Variants in FSD1L observed in about 807,000 individuals in gnomAD.
FSD1L encodes FSD1-like protein.
In FSD1L, 45 loss-of-function variants were observed where a neutral mutation model predicts 71.6. The observed-to-expected ratio is 0.63, with a 90% CI of 0.49 to 0.81. FSD1L has a LOEUF of 0.81. Ranked by LOEUF, FSD1L falls within the 30% of genes least tolerant of loss-of-function variation. FSD1L has a pLI of 0.00. For synonymous variants in FSD1L, 197 were observed against 207.2 expected, an observed-to-expected ratio of 0.95 and a Z score of 0.42; for missense variants, 561 against 618.1, an observed-to-expected ratio of 0.91 and a Z score of 0.98.
chr9:105,545,027 A>G (rs1312143637), intron 13 of FSD1L, among the ~76,000 whole-genome samples: 1 of 152,038 alleles, frequency 6.6e-6, no homozygotes, highest in African/African-American at 2.4e-5. Context: ...CAGTATGACC[A>G]TTTTCACGAT....
At chr9:105,525,920 A>G (rs756864476) in intron 10 of FSD1L, 27 of 1,562,900 alleles carry the variant, frequency 1.7e-5, no homozygotes, top group Non-Finnish European at 2.4e-5. Flanking sequence ...TCTGATTCTG[A>G]TGATTCTTTG....
chr9:105,470,070 A>G (rs1451858823), intron 4 of FSD1L, among the ~76,000 whole-genome samples: 1 of 152,118 alleles, frequency 6.6e-6, no homozygotes, highest in Non-Finnish European at 1.5e-5. Flanking sequence ...ATTCGATCAT[A>G]TATGTGAAGG....
At chr9:105,491,833 A>T (rs1220870286) in intron 7 of FSD1L, among the ~76,000 whole-genome samples, 4 of 152,186 alleles carry the variant, frequency 2.6e-5, no homozygotes, top group African/African-American at 9.7e-5. Flanking sequence ...CCAGCCTTGC[A>T]TCCCAGGGAT....
At position 105,534,489 on chromosome 9, in the gene FSD1L, A is replaced by G; in HGVS notation, c.1026-4A>G. The G allele has an allele frequency of 6.7e-7, 1 of 1,492,596 alleles. No individual in the cohort carries two copies. The highest frequency in any genetic ancestry group is 1.2e-5 in the South Asian group (1 of 81,582). The allele number at this position is 1,492,596 out of a possible 1,614,324, so 92.5% of individuals were successfully genotyped here. A position where few individuals can be genotyped will look rare whatever the true frequency, so the allele number is the denominator to read the frequency against. ...GTTTTTCTTTTTTCTTTTTGTTTAT[A>G]TAGAAGTGGTACACCATCCCCAAAA... On this transcript the variant is annotated splice_region_variant and splice_polypyrimidine_tract_variant and intron_variant, in intron 10 of 13. Transcript: ENST00000481272.
At chr9:105,500,059 G>GC (rs1225646465) in intron 7 of FSD1L, among the ~76,000 whole-genome samples, 1 of 152,030 alleles carries the variant, frequency 6.6e-6, no homozygotes. Context: ...CACTTGTATT[G>GC]CCCATCTGTT....
intron 7 of FSD1L, among the ~76,000 whole-genome samples, chr9:105,487,613 T>C (rs77365750): frequency 0.016 from 2,395 of 152,144 alleles, 88 homozygotes; most frequent in African/African-American, 0.055. Context: ...ATATGTAGGG[T>C]AGGACCTTTT....
upstream of FSD1L, among the ~76,000 whole-genome samples, chr9:105,443,989 T>G (rs924266512): frequency 2.0e-5 from 3 of 152,136 alleles, no homozygotes; most frequent in Admixed American, 2.0e-4. Context: ...TGGCAAATGC[T>G]AAGACTCAGG....
Position 105,512,924 on chromosome 9 carries a change from AG to A in FSD1L, c.1014del (p.Asn339ThrfsTer15), listed in dbSNP as rs1293215649. On this transcript the variant is annotated frameshift_variant, in exon 10 of 14. Transcript: ENST00000481272. LOFTEE classifies it high-confidence loss of function. Reference protein sequence around the residue: ...KGQESKIKGKENKGRSGTPSP... With the variant: ...KGQESKIKGKXNKGRSGTPSP... ...CAAGAAAGTAAAATTAAAGGAAAAG[AG>A]AACAAGGGCAGGTAAGCTAGACCAT... 1 of 1,536,858 alleles carries A rather than the reference AG, an allele frequency of 6.5e-7. No individual in the cohort carries two copies. Among genetic ancestry groups the A allele is most frequent in the Admixed American group, 2.1e-5 (1 of 47,888 alleles).
In FSD1L at chr9:105,523,118, A is replaced by G. The variant is rs1004435046; in HGVS notation, c.1025+10182A>G. 43 of 1,613,950 alleles carry G rather than the reference A, an allele frequency of 2.7e-5. No individual in the cohort carries two copies. The African/African-American group carries it at 5.2e-4, about 20-fold the overall frequency. ...ATCATCAGAGTGCTGAAGAGCAGGA[A>G]GTGGCTAGTCTAACTACTCTTCATA... On this transcript the variant is annotated intron_variant, in intron 10 of 13. Transcript: ENST00000481272.
At chr9:105,515,237 C>T (rs767784240) in intron 10 of FSD1L, among the ~76,000 whole-genome samples, 10 of 152,124 alleles carry the variant, frequency 6.6e-5, no homozygotes, top group African/African-American at 1.4e-4. Context: ...GGCACATGCG[C>T]GTCACTAGAT....
At chr9:105,501,626 A>G (rs2225246) in intron 7 of FSD1L, among the ~76,000 whole-genome samples, 101,218 of 148,846 alleles carry the variant, frequency 0.68, 34,716 homozygotes, top group African/African-American at 0.76. Context: ...AGAGATAGAG[A>G]TCTCACTGTG....
intron 5 of FSD1L, among the ~76,000 whole-genome samples, chr9:105,474,143 C>T (rs555019225): frequency 6.6e-6 from 1 of 152,264 alleles, no homozygotes; most frequent in Non-Finnish European, 1.5e-5. Context: ...GACAGTATAG[C>T]CTACTACATA....
At chr9:105,453,433 C>T (rs1343724327) in intron 1 of FSD1L, among the ~76,000 whole-genome samples, 1 of 152,102 alleles carries the variant, frequency 6.6e-6, no homozygotes, top group Admixed American at 6.5e-5. Flanking sequence ...ATGATCCTCC[C>T]AAAGTGCTGA....
intron 7 of FSD1L, among the ~76,000 whole-genome samples, chr9:105,489,604 A>G (rs560288098): frequency 6.6e-6 from 1 of 152,264 alleles, no homozygotes; most frequent in East Asian, 1.9e-4. Flanking sequence ...TGCTGCACAC[A>G]TTAACTCGTC....
chr9:105,512,206 GT>G (rs1554711473), intron 9 of FSD1L, among the ~76,000 whole-genome samples: 2 of 120,530 alleles, frequency 1.7e-5, no homozygotes, highest in African/African-American at 3.4e-5. Context: ...TAGTTTTATG[GT>G]TTTTTTTTAA....
At chr9:105,544,735 G>T (rs1484521527) in intron 13 of FSD1L, among the ~76,000 whole-genome samples, 1 of 152,176 alleles carries the variant, frequency 6.6e-6, no homozygotes. Context: ...TCAGATGGTT[G>T]TTGATGTGTG....
chr9:105,546,563 GT>G lies in FSD1L; in HGVS notation c.*81del. On this transcript the variant is annotated 3_prime_UTR_variant, in exon 14 of 14. Transcript: ENST00000481272. The stretch of plus-strand genomic sequence containing the variant: ...AGTTACTAATCACAGGAATTTGGTA[GT>G]AGTGAAAATCAGGTTTGCTGTGTTC... 7.2e-7 allele frequency: 1 copy of G among 1,384,458 alleles called. No individual in the cohort carries two copies. Among genetic ancestry groups the G allele is most frequent in the Non-Finnish European group, 9.5e-7 (1 of 1,047,436 alleles). The allele number at this position is 1,384,458 out of a possible 1,614,324, so 85.8% of individuals were successfully genotyped here.
intron 7 of FSD1L, among the ~76,000 whole-genome samples, chr9:105,501,808 A>G (rs776068585): frequency 6.6e-6 from 1 of 152,118 alleles, no homozygotes; most frequent in South Asian, 2.1e-4. Flanking sequence ...TACCAAACAC[A>G]GACTGTACTT....
intron 3 of FSD1L, 47 bp from the exon 4 acceptor site, chr9:105,468,146 G>A (rs1305189527): frequency 7.6e-7 from 1 of 1,307,946 alleles, no homozygotes; most frequent in Non-Finnish European, 9.8e-7. Flanking sequence ...GGTTTTAAAT[G>A]TTTGATAGCG....
Sources: gnomAD v4.1 joint callset for allele counts (sites outside exome capture counted in the v4.1 genomes callset) on GRCh38, gnomAD v4.1.1 for gene constraint, MANE v1.5 for transcripts, NCBI Gene and HGNC (gene_info 2026-07-23, HGNC 2026-07-21) for gene names.